INPP5D: variants seen among roughly 807,000 people sequenced by gnomAD.
INPP5D encodes the protein inositol polyphosphate-5-phosphatase D.
Under a neutral mutation model 122.9 loss-of-function variants are expected in INPP5D, and 33 were observed. That is an observed-to-expected ratio of 0.27 (90% CI 0.20 to 0.36). The LOEUF (loss-of-function observed/expected upper bound fraction) is 0.36, where lower values mean the gene tolerates loss of function less well. Among genes scored for constraint, INPP5D ranks in the 10% least tolerant of loss-of-function variants. The probability of loss-of-function intolerance (pLI) is 1.00; values close to 1 mark genes in which losing one functional copy is unlikely to be tolerated. For synonymous variants in INPP5D, 584 were observed against 576.2 expected (o/e 1.01, Z -0.19); for missense variants, 1,053 against 1,412.7 (o/e 0.75, Z 4.08).
chr2:233,150,057 A>G (rs577947973), intron 9 of INPP5D, among the ~76,000 whole-genome samples: 5 of 152,232 alleles, frequency 3.3e-5, no homozygotes, highest in Non-Finnish European at 5.9e-5. Context: ...GGCAGGAGAA[A>G]TGGGGAGTCA....
chr2:233,105,629 G>A lies in INPP5D; in HGVS notation c.199-16478G>A, dbSNP rs888772618. 2.0e-5 allele frequency among the ~76,000 whole-genome samples: 3 copies of A among 152,234 alleles called. No homozygotes were observed. Among genetic ancestry groups the A allele is most frequent in the African/African-American group, 7.2e-5 (3 of 41,454 alleles). Reference sequence around the variant, plus strand: ...CGGGGGGAAGAGAGCCAGAGGGGAAGGGAAGGGTAAGAGGGTAGTGACCGC... The same window carrying A: ...CGGGGGGAAGAGAGCCAGAGGGGAAAGGAAGGGTAAGAGGGTAGTGACCGC... On this transcript the variant is annotated intron_variant, in intron 2 of 26. Coordinates refer to ENST00000445964, the MANE Select transcript of INPP5D (RefSeq NM_001017915.3). This position sits in a 1 kb window ranked among gnomAD's most constrained non-coding sequence, Gnocchi z 4.0.
intron 21 of INPP5D, among the ~76,000 whole-genome samples, chr2:233,186,711 T>C (rs1694927797): frequency 1.9e-5 from 1 of 52,050 alleles, no homozygotes; most frequent in Non-Finnish European, 3.7e-5. Context: ...TTTTTTTTTT[T>C]TTTTTTTTTT....
intron 11 of INPP5D, 61 bp from the exon 12 acceptor site, chr2:233,163,646 C>T: frequency 6.2e-7 from 1 of 1,609,972 alleles, no homozygotes; most frequent in Non-Finnish European, 8.5e-7. Flanking sequence ...GTTTTGAATT[C>T]TCCTAATGCT....
chr2:233,185,094 C>T (rs558015252), intron 20 of INPP5D, among the ~76,000 whole-genome samples: 1 of 152,234 alleles, frequency 6.6e-6, no homozygotes, highest in South Asian at 2.1e-4. Context: ...TTGTCTAAAG[C>T]TGTTTCATGG....
rs1430044265 is a variant in INPP5D at position 233,207,597 on chromosome 2, A to G, written c.*889A>G. 6.6e-6 allele frequency: 1 copy of G among 152,364 alleles called. No homozygotes were observed. Among genetic ancestry groups the G allele is most frequent in the Non-Finnish European group, 1.5e-5 (1 of 68,060 alleles). 9.4% of individuals were successfully genotyped at this position (152,364 alleles called of 1,614,324 possible). A position where few individuals can be genotyped will look rare whatever the true frequency, so the allele number is the denominator to read the frequency against. On this transcript the variant is annotated 3_prime_UTR_variant, in exon 27 of 27. Coordinates refer to ENST00000445964, the MANE Select transcript of INPP5D (RefSeq NM_001017915.3). This position sits in a 1 kb window ranked among gnomAD's most constrained non-coding sequence, Gnocchi z 4.6. ...CCAACATGTATTCCATCGTGCTGGTAGAAGAGTCTTTGCTGTTGCTCCCGA... is the reference window on the plus strand; with the variant it reads ...CCAACATGTATTCCATCGTGCTGGTGGAAGAGTCTTTGCTGTTGCTCCCGA...
At chr2:233,129,037 G>A (rs908733853) in intron 4 of INPP5D, among the ~76,000 whole-genome samples, 2 of 152,114 alleles carry the variant, frequency 1.3e-5, no homozygotes, top group Non-Finnish European at 2.9e-5. Flanking sequence ...CTGGTGGCAT[G>A]TGCCTGTGGT....
Position 233,204,623 on chromosome 2 carries a change from G to A in INPP5D, c.3473G>A (p.Gly1158Asp), listed in dbSNP as rs757213775. The change falls in exon 26 of 27, where the codon GGC becomes GAC. Residue 1158 changes from glycine to aspartate, a missense_variant. Around this residue, in one of 6 missense-constraint regions of INPP5D, gnomAD observed 417 missense variants for 425.8 expected, o/e 0.98. Coordinates refer to ENST00000445964, the MANE Select transcript of INPP5D (RefSeq NM_001017915.3). ...PAVLHLQHSKGRDYRDNTELP... is the reference protein window; with the variant it reads ...PAVLHLQHSKDRDYRDNTELP... ...GTGCTGCACCTCCAGCACTCCAAGG[G>A]CCGCGACTACCGCGACAACACCGAG... The A allele has an allele frequency of 3.5e-5, 56 of 1,579,200 alleles. No homozygotes were observed. The highest frequency in any genetic ancestry group is 4.6e-5 in the Non-Finnish European group (53 of 1,164,228).
chr2:233,129,949 T>C (rs1461695793), intron 4 of INPP5D, among the ~76,000 whole-genome samples: 1 of 152,092 alleles, frequency 6.6e-6, no homozygotes, highest in Non-Finnish European at 1.5e-5. Context: ...TCACTCAGGC[T>C]GGAGTGCAAT....
At chr2:233,131,203 C>G (rs1161378255) in intron 5 of INPP5D, 1 of 827,638 alleles carries the variant, frequency 1.2e-6, no homozygotes, top group African/African-American at 1.8e-5. Flanking sequence ...TTTGGTTTTA[C>G]ATTTTAAAAT....
chr2:233,147,218 G>A (rs1055519995), intron 8 of INPP5D, among the ~76,000 whole-genome samples: 3 of 152,160 alleles, frequency 2.0e-5, no homozygotes, highest in South Asian at 2.1e-4. Flanking sequence ...GTCTGTTTCC[G>A]CCAGCAAACC....
chr2:233,065,284 T>C (rs1468252215), intron 1 of INPP5D, among the ~76,000 whole-genome samples: 7 of 150,316 alleles, frequency 4.7e-5, no homozygotes. Context: ...CATAAATTCA[T>C]GAACACAATC....
At chr2:233,104,006 CTTTTT>C (rs5839471) in intron 2 of INPP5D, among the ~76,000 whole-genome samples, 3 of 81,820 alleles carry the variant, frequency 3.7e-5, no homozygotes, top group Admixed American at 1.4e-4. Context: ...TGTGCCCTGC[CTTTTT>C]TTTTTTTTTT....
rs1162592080 is a variant in INPP5D at position 233,206,071 on chromosome 2, TC to T, written c.3568-633del. Among the ~76,000 whole-genome samples the T allele has an allele frequency of 2.6e-5, 4 of 151,466 alleles. No homozygotes were observed. Among genetic ancestry groups the T allele is most frequent in the Non-Finnish European group, 4.4e-5 (3 of 67,868 alleles). ...TCCAGCCTGGGCGACAGAGTGAGAC[TC>T]CATCTCAAAAAAGAGAACAGTCAGG... On this transcript the variant is annotated intron_variant, in intron 26 of 26. Coordinates refer to ENST00000445964, the MANE Select transcript of INPP5D (RefSeq NM_001017915.3). This position sits in a 1 kb window ranked among gnomAD's most constrained non-coding sequence, Gnocchi z 4.0.
intron 17 of INPP5D, 41 bp downstream of exon 17, chr2:233,171,193 C>T: frequency 6.2e-7 from 1 of 1,607,288 alleles, no homozygotes; most frequent in Non-Finnish European, 8.5e-7. Flanking sequence ...CCTCCATCTC[C>T]TCCCCGCTGG....
At chr2:233,087,961 G>A (rs1691895919) in intron 2 of INPP5D, among the ~76,000 whole-genome samples, 1 of 152,006 alleles carries the variant, frequency 6.6e-6, no homozygotes, top group African/African-American at 2.4e-5. Context: ...CCTCATTTCA[G>A]CATTGAATTG....
intron 5 of INPP5D, 68 bp downstream of exon 5, chr2:233,130,716 G>A (rs1005922178): frequency 3.3e-6 from 5 of 1,534,330 alleles, no homozygotes; most frequent in African/African-American, 1.4e-5. Flanking sequence ...GCTCATGAGA[G>A]CGACCTCTGC....
rs780057271 is a variant in INPP5D, at chr2:233,163,897, T to C, written c.1431T>C (p.Phe477=). ...TGCAAGAAATCACCAGTGTGACTTT[T>C]AAAACAGTGAGCAGCTGGCTGCACG... is the stretch of plus-strand genomic sequence containing the variant. The part of the protein sequence containing the change: ...HSLQEITSVT[F]KTVAIHTLWN... The change falls in exon 12 of 27, where the codon TTT becomes TTC. Residue 477 remains phenylalanine, a synonymous_variant. Transcript: ENST00000445964. The C allele has an allele frequency of 2.5e-6, 4 of 1,613,710 alleles. No individual in the cohort carries two copies. The highest frequency in any genetic ancestry group is 3.4e-6 in the Non-Finnish European group (4 of 1,179,716).
At chr2:233,196,162 C>A (rs549996116) in intron 24 of INPP5D, among the ~76,000 whole-genome samples, 1 of 152,200 alleles carries the variant, frequency 6.6e-6, no homozygotes, top group East Asian at 1.9e-4. Flanking sequence ...GCTCTGCAAA[C>A]CCAGGGCCTG....
At position 233,182,567 on chromosome 2, in the gene INPP5D, A is replaced by G. The variant is rs556826444; in HGVS notation, c.2161+68A>G. Reference sequence around the variant, plus strand: ...CAAGGAGTGTTGGGAGCTTGTCTTCAGGTGGCAGTCAGTGGTCTGCATTAG... The same window carrying G: ...CAAGGAGTGTTGGGAGCTTGTCTTCGGGTGGCAGTCAGTGGTCTGCATTAG... On this transcript the variant is annotated intron_variant, in intron 19 of 26. Coordinates refer to ENST00000445964, the MANE Select transcript of INPP5D (RefSeq NM_001017915.3). 29 of 1,596,620 alleles carry G rather than the reference A, an allele frequency of 1.8e-5. No homozygotes were observed. In the East Asian group the frequency reaches 5.2e-4, roughly 29 times the overall value.
Sources: gnomAD v4.1 joint callset for allele counts (sites outside exome capture counted in the v4.1 genomes callset) on GRCh38, gnomAD v4.1.1 for gene constraint, gnomAD v4.1.1 regional missense constraint, Gnocchi (gnomAD v3.1) non-coding constraint, MANE v1.5 for transcripts, NCBI Gene and HGNC (gene_info 2026-07-23, HGNC 2026-07-21) for gene names.